Variants in GREM2 observed in about 807,000 individuals in gnomAD.
GREM2 encodes the protein gremlin-2.
In GREM2, 11 loss-of-function variants were observed where a neutral mutation model predicts 14.2. That is an observed-to-expected ratio of 0.78 (90% CI 0.49 to 1.28). GREM2 has a LOEUF of 1.28. Among genes scored for constraint, GREM2 ranks in the 50% most tolerant of loss-of-function variants. The probability of loss-of-function intolerance (pLI) is 0.00; values close to 1 mark genes in which losing one functional copy is unlikely to be tolerated. For missense variants in GREM2, 210 were observed against 218.5 expected, an observed-to-expected ratio of 0.96 and a Z score of 0.24; for synonymous variants, 98 against 97.6, an observed-to-expected ratio of 1.00 and a Z score of -0.02.
In GREM2 at chr1:240,509,576, C is replaced by T. The variant is rs1677758270; in HGVS notation, c.-1-16100G>A. Among the ~76,000 whole-genome samples, 4 of 152,070 alleles carry T rather than the reference C, an allele frequency of 2.6e-5. 1 individual carries two copies. In the South Asian group the frequency reaches 8.3e-4, roughly 32 times the overall value. On this transcript the variant is annotated intron_variant, in intron 1 of 1. Coordinates refer to ENST00000318160, the MANE Select transcript of GREM2 (RefSeq NM_022469.4). ...AGAGACGGGGTTTCTCCATGTTGGT[C>T]AGGCTGGTCTCGAACTCTCAACCTC...
At chr1:240,509,360 ATTTTTTTT>A (rs564246660) in intron 1 of GREM2, among the ~76,000 whole-genome samples, 4 of 112,040 alleles carry the variant, frequency 3.6e-5, no homozygotes, top group South Asian at 3.4e-4. Flanking sequence ...AGCTCATTTG[ATTTTTTTT>A]TTTTTTTTTT....
At chr1:240,609,241 T>A (rs1322487502) in intron 1 of GREM2, among the ~76,000 whole-genome samples, 1 of 152,006 alleles carries the variant, frequency 6.6e-6, no homozygotes, top group Non-Finnish European at 1.5e-5. Flanking sequence ...GCTCTGGGAC[T>A]CTGTTCTACA....
chr1:240,589,637 C>T (rs991632109), intron 1 of GREM2, among the ~76,000 whole-genome samples: 1 of 151,884 alleles, frequency 6.6e-6, no homozygotes, highest in Non-Finnish European at 1.5e-5. Context: ...ATGGGAGATC[C>T]CATTGTTCAT....
intron 1 of GREM2, among the ~76,000 whole-genome samples, chr1:240,516,296 G>C (rs535839548): frequency 6.6e-6 from 1 of 152,010 alleles, no homozygotes; most frequent in African/African-American, 2.4e-5. Flanking sequence ...TTTAGGAAGC[G>C]CAAAATGATC....
intron 1 of GREM2, among the ~76,000 whole-genome samples, chr1:240,576,536 A>G (rs540559756): frequency 2.6e-5 from 4 of 152,182 alleles, no homozygotes; most frequent in Non-Finnish European, 5.9e-5. Context: ...TTAAGAAACC[A>G]TGAAACCACA....
At chr1:240,531,795 G>A (rs1264314233) in intron 1 of GREM2, 10 of 457,716 alleles carry the variant, frequency 2.2e-5, no homozygotes, top group African/African-American at 6.4e-5. Flanking sequence ...TGCAACCTCC[G>A]CCTCCTGTGT....
chr1:240,492,940 G>A lies in GREM2; in HGVS notation c.*29C>T. 1 of 1,431,388 alleles carries A rather than the reference G, an allele frequency of 7.0e-7. No individual in the cohort carries two copies. The highest frequency in any genetic ancestry group is 9.2e-7 in the Non-Finnish European group (1 of 1,091,174). 88.7% of individuals were successfully genotyped at this position (1,431,388 alleles called of 1,614,324 possible). A position where few individuals can be genotyped will look rare whatever the true frequency, so the allele number is the denominator to read the frequency against. ...GGCGCCACCCAGCGGCCGGGCGCGC[G>A]CGGGGCTGAGCTGCGTCCGGCCCGG... On this transcript the variant is annotated 3_prime_UTR_variant, in exon 2 of 2. Transcript: ENST00000318160.
At chr1:240,571,622 C>A (rs1020990720) in intron 1 of GREM2, among the ~76,000 whole-genome samples, 7 of 151,956 alleles carry the variant, frequency 4.6e-5, no homozygotes, top group African/African-American at 1.7e-4. Context: ...CTTTTGTACC[C>A]GGGAGGCAGA....
At chr1:240,581,647 A>C (rs1679487572) in intron 1 of GREM2, among the ~76,000 whole-genome samples, 1 of 152,244 alleles carries the variant, frequency 6.6e-6, no homozygotes, top group Non-Finnish European at 1.5e-5. Flanking sequence ...TTTAGAATTC[A>C]GCAAAAGAAT....
intron 1 of GREM2, among the ~76,000 whole-genome samples, chr1:240,571,025 T>C (rs1252475525): frequency 6.6e-6 from 1 of 152,204 alleles, no homozygotes; most frequent in East Asian, 1.9e-4. Flanking sequence ...TGGAACACTT[T>C]AAAATGATCT....
intron 1 of GREM2, among the ~76,000 whole-genome samples, chr1:240,573,342 C>T (rs368133982): frequency 4.6e-5 from 7 of 151,894 alleles, no homozygotes; most frequent in East Asian, 1.9e-4. Context: ...ACATCACAAT[C>T]GTAAATAAGG....
chr1:240,496,279 C>T (rs952620474), intron 1 of GREM2, among the ~76,000 whole-genome samples: 1 of 152,194 alleles, frequency 6.6e-6, no homozygotes, highest in Non-Finnish European at 1.5e-5. Flanking sequence ...GATCTCCCCA[C>T]TCCCCTGCAT....
chr1:240,532,634 G>GATAT lies in GREM2; in HGVS notation c.-1-39162_-1-39159dup, dbSNP rs35703380. Among the ~76,000 whole-genome samples, 408 of 148,166 alleles carry GATAT rather than the reference G, an allele frequency of 2.8e-3. 1 individual carries two copies. Among genetic ancestry groups the GATAT allele is most frequent in the African/African-American group, 9.8e-3 (383 of 39,102 alleles). ...ACTGGAATAACCACTTTATATAAGAGATATATATAGATAGATAGATAGATA... is the reference window on the plus strand; with the variant it reads ...ACTGGAATAACCACTTTATATAAGAGATATATATATATAGATAGATAGATAGATA... On this transcript the variant is annotated intron_variant, in intron 1 of 1. Coordinates refer to ENST00000318160, the MANE Select transcript of GREM2 (RefSeq NM_022469.4).
At chr1:240,508,920 A>C (rs1348232560) in intron 1 of GREM2, among the ~76,000 whole-genome samples, 1 of 152,184 alleles carries the variant, frequency 6.6e-6, no homozygotes, top group Admixed American at 6.5e-5. Context: ...TTTGTCTAAA[A>C]TGTAATTATT....
intron 1 of GREM2, among the ~76,000 whole-genome samples, chr1:240,507,583 T>A (rs1006531110): frequency 6.6e-6 from 1 of 152,126 alleles, no homozygotes; most frequent in African/African-American, 2.4e-5. Context: ...TACGCCCACC[T>A]TGGCCTCCCA....
At chr1:240,596,884 T>C (rs1385172617) in intron 1 of GREM2, among the ~76,000 whole-genome samples, 1 of 152,182 alleles carries the variant, frequency 6.6e-6, no homozygotes, top group Non-Finnish European at 1.5e-5. Context: ...TTGTGCATAC[T>C]TCGGGCAGAG....
At chr1:240,592,511 G>T (rs532251258) in intron 1 of GREM2, among the ~76,000 whole-genome samples, 1 of 152,114 alleles carries the variant, frequency 6.6e-6, no homozygotes, top group Non-Finnish European at 1.5e-5. Flanking sequence ...GACAAATAAG[G>T]TTTGCTGAAG....
chr1:240,562,787 ATGTG>A (rs138525751), intron 1 of GREM2, among the ~76,000 whole-genome samples: 4 of 149,364 alleles, frequency 2.7e-5, no homozygotes, highest in African/African-American at 7.5e-5. Context: ...ATGAGTGTGT[ATGTG>A]TGTATGTGAG....
intron 1 of GREM2, among the ~76,000 whole-genome samples, chr1:240,508,310 A>C (rs1322092654): frequency 6.6e-6 from 1 of 152,242 alleles, no homozygotes; most frequent in Non-Finnish European, 1.5e-5. Flanking sequence ...GCTCATATTC[A>C]AACAGCCAGA....
Sources: gnomAD v4.1 joint callset for allele counts (sites outside exome capture counted in the v4.1 genomes callset) on GRCh38, gnomAD v4.1.1 for gene constraint, MANE v1.5 for transcripts, NCBI Gene and HGNC (gene_info 2026-07-23, HGNC 2026-07-21) for gene names.